Variants in PARVA observed in about 807,000 individuals in gnomAD.
The protein encoded by PARVA is parvin alpha, also known as alpha-parvin.
Under a neutral mutation model 52.6 loss-of-function variants are expected in PARVA, and 25 were observed. The ratio of observed to expected loss-of-function variants is 0.48; its 90% CI spans 0.35 to 0.66. The LOEUF is 0.66. Ranked by LOEUF, PARVA falls within the 30% of genes least tolerant of loss-of-function variation. PARVA has a pLI of 0.01. For synonymous variants in PARVA, 185 were observed against 179.1 expected (o/e 1.03, Z -0.26); for missense variants, 373 against 450.9 (o/e 0.83, Z 1.56).
chr11:12,513,918 C>CA, intron 9 of PARVA, 79 bp from the exon 10 acceptor site: 2 of 1,320,524 alleles, frequency 1.5e-6, no homozygotes, highest in Non-Finnish European at 2.2e-6. Context: ...CCCTTGCCCT[C>CA]ACGGGAGTCA....
chr11:12,509,592 G>A (rs564880043), intron 7 of PARVA, among the ~76,000 whole-genome samples: 1 of 152,198 alleles, frequency 6.6e-6, no homozygotes, highest in African/African-American at 2.4e-5. Context: ...CTGGGGCACT[G>A]CCCGTCTAGA....
At chr11:12,458,628 T>C (rs1940731186) in intron 1 of PARVA, among the ~76,000 whole-genome samples, 1 of 152,170 alleles carries the variant, frequency 6.6e-6, no homozygotes, top group Admixed American at 6.5e-5. Context: ...GGAGAAAGAC[T>C]CTGGCCCCCA....
chr11:12,462,184 G>A (rs1257419607), intron 1 of PARVA, among the ~76,000 whole-genome samples: 1 of 152,172 alleles, frequency 6.6e-6, no homozygotes, highest in Non-Finnish European at 1.5e-5. Flanking sequence ...ATTGTAGGCA[G>A]AATAATCACT....
chr11:12,387,386 C>G (rs1238595638), intron 1 of PARVA, among the ~76,000 whole-genome samples: 1 of 152,162 alleles, frequency 6.6e-6, no homozygotes, highest in Non-Finnish European at 1.5e-5. Flanking sequence ...GCCTAGCATA[C>G]TACCTAGTAC....
At chr11:12,450,095 A>C (rs949941056) in intron 1 of PARVA, among the ~76,000 whole-genome samples, 1 of 152,256 alleles carries the variant, frequency 6.6e-6, no homozygotes, top group Non-Finnish European at 1.5e-5. Flanking sequence ...AAATTGTAAC[A>C]TGAGAAAACT....
intron 4 of PARVA, among the ~76,000 whole-genome samples, chr11:12,490,171 G>A (rs541526587): frequency 5.4e-5 from 8 of 149,020 alleles, no homozygotes; most frequent in South Asian, 2.1e-4. Flanking sequence ...AGCCGAGATC[G>A]TGCCACTGCA....
rs1323430624 is a variant in PARVA, at chr11:12,533,799, T to C, written c.*5874T>C. On this transcript the variant is annotated 3_prime_UTR_variant, in exon 13 of 13. Transcript: ENST00000334956. ...AGTCCTCATCCTCATGGTCATCACA[T>C]TGAGTAGGCGGAGGAGGAGGAGGAG... is the stretch of plus-strand genomic sequence containing the variant. 2.5e-5 allele frequency among the ~76,000 whole-genome samples: 3 copies of C among 121,792 alleles called. No individual in the cohort carries two copies. Among genetic ancestry groups the C allele is most frequent in the Admixed American group, 8.1e-5 (1 of 12,324 alleles). 79.9% of individuals were successfully genotyped at this position (121,792 alleles called of 152,430 possible).
intron 1 of PARVA, among the ~76,000 whole-genome samples, chr11:12,448,910 TTCTC>T (rs1227198674): frequency 2.0e-5 from 3 of 152,216 alleles, no homozygotes; most frequent in African/African-American, 7.2e-5. Flanking sequence ...ACTCTCTCCC[TTCTC>T]TCTGTCTGTT....
intron 3 of PARVA, chr11:12,477,028 T>C (rs931389422): frequency 1.3e-5 from 2 of 152,192 alleles, no homozygotes; most frequent in African/African-American, 4.8e-5. Flanking sequence ...GAGGGAACTG[T>C]TCTGTATCTC....
chr11:12,457,407 C>T (rs191457912), intron 1 of PARVA, among the ~76,000 whole-genome samples: 1 of 152,336 alleles, frequency 6.6e-6, no homozygotes, highest in East Asian at 1.9e-4. Flanking sequence ...GCTGACAGGG[C>T]TTAGTCATTC....
intron 1 of PARVA, among the ~76,000 whole-genome samples, chr11:12,379,259 C>G (rs992384257): frequency 1.3e-5 from 2 of 152,030 alleles, no homozygotes; most frequent in Admixed American, 6.5e-5. Flanking sequence ...GTGCCCACAT[C>G]CTATCTCATC....
chr11:12,386,884 C>CT (rs1361836995), intron 1 of PARVA, among the ~76,000 whole-genome samples: 2 of 152,210 alleles, frequency 1.3e-5, no homozygotes, highest in Admixed American at 1.3e-4. Flanking sequence ...TCTTTCTTTC[C>CT]TCTACTAATG....
intron 4 of PARVA, among the ~76,000 whole-genome samples, chr11:12,482,348 C>T (rs150644831): frequency 2.6e-4 from 40 of 151,874 alleles, no homozygotes; most frequent in African/African-American, 8.0e-4. Context: ...GAAAGCTGGC[C>T]GGGTGTGGTG....
At chr11:12,448,209 G>A (rs913115880) in intron 1 of PARVA, among the ~76,000 whole-genome samples, 2 of 152,178 alleles carry the variant, frequency 1.3e-5, no homozygotes, top group East Asian at 1.9e-4. Context: ...ATGGAATGAG[G>A]AAGGCGGGGG....
intron 1 of PARVA, among the ~76,000 whole-genome samples, chr11:12,385,531 A>C (rs991205607): frequency 7.9e-5 from 12 of 152,196 alleles, no homozygotes. Flanking sequence ...GCAACTAAAA[A>C]GATGAACTGA....
rs541908106 is a variant in PARVA, at chr11:12,520,991, T to C, written c.1042+2474T>C. On this transcript the variant is annotated intron_variant, in intron 12 of 12. Transcript: ENST00000334956. The stretch of plus-strand genomic sequence containing the variant: ...ATATTGTCATGCAGCTGGCAGCTTT[T>C]TATTTAGGGCATCGTGCCACATGTC... Among the ~76,000 whole-genome samples the C allele has an allele frequency of 2.6e-5, 4 of 152,244 alleles. No individual in the cohort carries two copies. In the East Asian group the frequency reaches 7.7e-4, roughly 29 times the overall value.
intron 5 of PARVA, among the ~76,000 whole-genome samples, chr11:12,499,653 C>T (rs1311546448): frequency 6.6e-6 from 1 of 152,008 alleles, no homozygotes; most frequent in East Asian, 1.9e-4. Context: ...AAAGTCAGGG[C>T]ATAGAGAGGT....
intron 1 of PARVA, among the ~76,000 whole-genome samples, chr11:12,431,357 C>G (rs1030952927): frequency 4.6e-5 from 7 of 152,242 alleles, no homozygotes; most frequent in East Asian, 1.9e-4. Context: ...CCACTTAACA[C>G]CCTGTGCATT....
chr11:12,482,497 G>A (rs560152148), intron 4 of PARVA, among the ~76,000 whole-genome samples: 12 of 151,640 alleles, frequency 7.9e-5, no homozygotes, highest in East Asian at 1.9e-4. Context: ...GTGGTGGTGG[G>A]CACCTGCAAT....
Sources: gnomAD v4.1 joint callset for allele counts (sites outside exome capture counted in the v4.1 genomes callset) on GRCh38, gnomAD v4.1.1 for gene constraint, MANE v1.5 for transcripts, NCBI Gene and HGNC (gene_info 2026-07-23, HGNC 2026-07-21) for gene names.